Variants in GRID2IP observed in about 807,000 individuals in gnomAD.
The protein encoded by GRID2IP is delphilin.
GRID2IP carries 78 observed loss-of-function variants against 114.3 expected under a neutral mutation model. The ratio of observed to expected loss-of-function variants is 0.68; its 90% CI spans 0.57 to 0.82. The LOEUF is 0.82. Ranked by LOEUF, GRID2IP falls within the 40% of genes least tolerant of loss-of-function variation. The probability of loss-of-function intolerance (pLI) is 0.00; values close to 1 mark genes in which losing one functional copy is unlikely to be tolerated. For missense variants in GRID2IP, 1,727 were observed against 1,678.5 expected (o/e 1.03, Z -0.51); for synonymous variants, 809 against 724.0 (o/e 1.12, Z -1.89).
rs1423475463 is a variant in GRID2IP at position 6,520,762 on chromosome 7, C to G, written c.1085-1G>C. 1.3e-6 allele frequency: 2 copies of G among 1,548,230 alleles called. No individual in the cohort carries two copies. The highest frequency in any genetic ancestry group is 2.0e-5 in the Admixed American group (1 of 50,920). The stretch of plus-strand genomic sequence containing the variant: ...TTGGGTGAGTCCAGAGAATCGGAGT[C>G]TGCTGGGACCACAGGCGGGAGAGGC... On this transcript the variant is annotated splice_acceptor_variant, in intron 6 of 21. Transcript: ENST00000457091. LOFTEE classifies it high-confidence loss of function. This position sits in a 1 kb window ranked among gnomAD's most constrained non-coding sequence, Gnocchi z 4.6.
chr7:6,503,466 C>G (rs1192425662), intron 16 of GRID2IP, 25 bp downstream of exon 16: 2 of 1,496,898 alleles, frequency 1.3e-6, no homozygotes, highest in East Asian at 2.6e-5. Context: ...GCCGAGGCCT[C>G]GGGGCGGGGT....
intron 8 of GRID2IP, among the ~76,000 whole-genome samples, chr7:6,511,867 A>G (rs13225174): frequency 2.7e-5 from 4 of 146,740 alleles, no homozygotes; most frequent in Non-Finnish European, 6.0e-5. Flanking sequence ...TCCTTCTCTC[A>G]CTTTCTCTCT....
intron 4 of GRID2IP, among the ~76,000 whole-genome samples, chr7:6,522,834 TTAGC>T (rs1340989981): frequency 1.4e-5 from 2 of 147,114 alleles, no homozygotes; most frequent in Non-Finnish European, 3.0e-5. Flanking sequence ...TGTGTGTGTG[TTAGC>T]GTGTGTTTAG....
At position 6,522,099 on chromosome 7, in the gene GRID2IP, C is replaced by T. The variant is rs370744014; in HGVS notation, c.920-142G>A. 9.4e-4 allele frequency: 618 copies of T among 654,456 alleles called. 7 individuals are homozygous for T. The African/African-American group carries it at 9.6e-3, about 10-fold the overall frequency. The allele number at this position is 654,456 out of a possible 1,614,324, so 40.5% of individuals were successfully genotyped here. A position where few individuals can be genotyped will look rare whatever the true frequency, so the allele number is the denominator to read the frequency against. On this transcript the variant is annotated intron_variant, in intron 4 of 21. Transcript: ENST00000457091. ...GCATGGTGGCTCACACCTGTAACCT[C>T]AGCACTTTGGGAGGCCAAGGCAGGA...
At position 6,539,889 on chromosome 7, in the gene GRID2IP, T is replaced by A; in HGVS notation, c.430-17A>T. On this transcript the variant is annotated splice_polypyrimidine_tract_variant and intron_variant, in intron 1 of 21. Coordinates refer to ENST00000457091, the MANE Select transcript of GRID2IP (RefSeq NM_001145118.2). ...TTCATCCACCTGCAAGGAGGAGTCC[T>A]GTGAATGACCAAAAGGGATCCAGAG... is the stretch of plus-strand genomic sequence containing the variant. The A allele has an allele frequency of 6.5e-7, 1 of 1,547,390 alleles. No individual in the cohort carries two copies. Among genetic ancestry groups the A allele is most frequent in the Non-Finnish European group, 8.7e-7 (1 of 1,144,442 alleles).
At chr7:6,510,806 C>A in intron 9 of GRID2IP, 100 bp from the exon 10 acceptor site, 1 of 1,470,540 alleles carries the variant, frequency 6.8e-7, no homozygotes, top group Non-Finnish European at 9.2e-7. Context: ...AATCCTGAGC[C>A]CTGCTTAGCC....
chr7:6,521,950 T>C lies in GRID2IP; in HGVS notation c.927A>G (p.Pro309=). Residue 309 remains proline (P), a synonymous_variant, in exon 5 of 22, where the codon CCA becomes CCG. Coordinates refer to ENST00000457091, the MANE Select transcript of GRID2IP (RefSeq NM_001145118.2). This position sits in a 1 kb window ranked among gnomAD's most constrained non-coding sequence, Gnocchi z 4.1. ...VWIESVLPGS[P]ADNAALKSGD... is the part of the protein sequence containing the mutation. Reference sequence around the variant, plus strand: ...CTGACTTGAGGGCAGCATTGTCAGCTGGGCTCCCTGGAAGCAAGAAGAGAG... The same window carrying C: ...CTGACTTGAGGGCAGCATTGTCAGCCGGGCTCCCTGGAAGCAAGAAGAGAG... 1.3e-6 allele frequency: 2 copies of C among 1,551,260 alleles called. No individual in the cohort carries two copies. The highest frequency in any genetic ancestry group is 1.7e-6 in the Non-Finnish European group (2 of 1,146,730).
rs1332696586 is a variant in GRID2IP at position 6,503,171 on chromosome 7, G to A, written c.2908-8C>T. 1 of 1,445,958 alleles carries A rather than the reference G, an allele frequency of 6.9e-7. No individual in the cohort carries two copies. The highest frequency in any genetic ancestry group is 1.4e-5 in the African/African-American group (1 of 70,054). The allele number at this position is 1,445,958 out of a possible 1,614,324, so 89.6% of individuals were successfully genotyped here. On this transcript the variant is annotated splice_region_variant and splice_polypyrimidine_tract_variant and intron_variant, in intron 16 of 21. Coordinates refer to ENST00000457091, the MANE Select transcript of GRID2IP (RefSeq NM_001145118.2). ...TTCGGGAACTGACAGCATCTGCCTCGAAGGCAGAGCCAGGATTCACCCATC... is the reference window on the plus strand; with the variant it reads ...TTCGGGAACTGACAGCATCTGCCTCAAAGGCAGAGCCAGGATTCACCCATC...
rs1326918101 is a variant in GRID2IP at position 6,526,739 on chromosome 7, G to C, written c.615C>G (p.Arg205=). ...GGCCCTGAGACACCACCTCGTCGAA[G>C]CGCGCCCGGTGCTTCTTGGGGATGA... ...RIFIPKKHRA[R]FDEVVSQGLL... Residue 205 remains arginine (R), a synonymous_variant, in exon 3 of 22, where the codon CGC becomes CGG. Transcript: ENST00000457091. This position sits in a 1 kb window ranked among gnomAD's most constrained non-coding sequence, Gnocchi z 7.6. 6.6e-7 allele frequency: 1 copy of C among 1,524,228 alleles called. No homozygotes were observed. The highest frequency in any genetic ancestry group is 1.4e-5 in the African/African-American group (1 of 69,770). The allele number at this position is 1,524,228 out of a possible 1,614,324, so 94.4% of individuals were successfully genotyped here.
chr7:6,508,916 C>T lies in GRID2IP; in HGVS notation c.2127+42G>A, dbSNP rs747619017. 1 of 1,523,552 alleles carries T rather than the reference C, an allele frequency of 6.6e-7. No individual in the cohort carries two copies. The highest frequency in any genetic ancestry group is 8.8e-7 in the Non-Finnish European group (1 of 1,138,834). The allele number at this position is 1,523,552 out of a possible 1,614,324, so 94.4% of individuals were successfully genotyped here. On this transcript the variant is annotated intron_variant, in intron 12 of 21. Coordinates refer to ENST00000457091, the MANE Select transcript of GRID2IP (RefSeq NM_001145118.2). The surrounding 1 kb of genome is among the most constrained non-coding windows in gnomAD (Gnocchi z 5.6). ...ACTGTTGCCTTGCAGACCGCCACAC[C>T]TCGCCTCACCCGCCTCCCTCCACAC... is the stretch of plus-strand genomic sequence containing the variant.
In GRID2IP at chr7:6,536,747, G is replaced by A. The variant is rs1779730860; in HGVS notation, c.584+2971C>T. The A allele has an allele frequency of 1.4e-6, 1 of 699,090 alleles. No individual in the cohort carries two copies. The highest frequency in any genetic ancestry group is 2.6e-6 in the Non-Finnish European group (1 of 382,558). The allele number at this position is 699,090 out of a possible 1,614,324, so 43.3% of individuals were successfully genotyped here. ...CGCTCAGAGCCAGCGCATCATCTCC[G>A]CGGCAAATTCGGCTCTAGAAATAAC... On this transcript the variant is annotated intron_variant, in intron 2 of 21. Transcript: ENST00000457091. This position sits in a 1 kb window ranked among gnomAD's most constrained non-coding sequence, Gnocchi z 5.3.
rs1308634070 is a variant in GRID2IP at position 6,497,407 on chromosome 7, G to A, written c.*367C>T. ...CGGCCCCCTCACAGGGACCCACTAG[G>A]AGCAGGATCAGAAAAAAGGTCCACA... On this transcript the variant is annotated 3_prime_UTR_variant, in exon 22 of 22. Transcript: ENST00000457091. 1 of 181,046 alleles carries A rather than the reference G, an allele frequency of 5.5e-6. No individual in the cohort carries two copies. The highest frequency in any genetic ancestry group is 1.6e-4 in the South Asian group (1 of 6,330). 11.2% of individuals were successfully genotyped at this position (181,046 alleles called of 1,614,324 possible). A position where few individuals can be genotyped will look rare whatever the true frequency, so the allele number is the denominator to read the frequency against.
chr7:6,538,606 A>G (rs997835357), intron 2 of GRID2IP, among the ~76,000 whole-genome samples: 16 of 151,924 alleles, frequency 1.1e-4, no homozygotes, highest in Non-Finnish European at 2.4e-4. Context: ...GGCCGGGTAC[A>G]GTGGCTCACG....
At chr7:6,514,857 C>G (rs898756068) in intron 7 of GRID2IP, among the ~76,000 whole-genome samples, 2 of 150,422 alleles carry the variant, frequency 1.3e-5, no homozygotes, top group African/African-American at 2.5e-5. Context: ...GAGGCTGAGG[C>G]AGGAGAATTG....
At position 6,551,055 on chromosome 7, in the gene GRID2IP, C is replaced by G; in HGVS notation, c.382G>C (p.Ala128Pro). The change falls in exon 1 of 22, where the codon GCG becomes CCG. Residue 128 changes from alanine to proline, a missense_variant. Coordinates refer to ENST00000457091, the MANE Select transcript of GRID2IP (RefSeq NM_001145118.2). Reference sequence around the variant, plus strand: ...TTGCGCCTGCGCTCTCGGTGCACCGCGTCCGGGCGCTTGCGGCCGGCCAGG... The same window carrying G: ...TTGCGCCTGCGCTCTCGGTGCACCGGGTCCGGGCGCTTGCGGCCGGCCAGG... ...LRLAGRKRPDAVHRERRRKAQ... is the reference protein window; with the variant it reads ...LRLAGRKRPDPVHRERRRKAQ... 1 of 1,312,566 alleles carries G rather than the reference C, an allele frequency of 7.6e-7. No homozygotes were observed. Among genetic ancestry groups the G allele is most frequent in the Non-Finnish European group, 9.7e-7 (1 of 1,034,010 alleles). 81.3% of individuals were successfully genotyped at this position (1,312,566 alleles called of 1,614,324 possible). A position where few individuals can be genotyped will look rare whatever the true frequency, so the allele number is the denominator to read the frequency against.
At chr7:6,499,046 T>A (rs545043304) in intron 20 of GRID2IP, among the ~76,000 whole-genome samples, 1 of 152,208 alleles carries the variant, frequency 6.6e-6, no homozygotes, top group African/African-American at 2.4e-5. Flanking sequence ...AGTGGCTGAA[T>A]CGCTATCATT....
At chr7:6,503,469 G>A in intron 16 of GRID2IP, 22 bp downstream of exon 16, 1 of 1,508,448 alleles carries the variant, frequency 6.6e-7, no homozygotes, top group Non-Finnish European at 8.8e-7. Context: ...GAGGCCTCGG[G>A]GCGGGGTTGT....
At chr7:6,503,963 G>A (rs1397297268) in intron 15 of GRID2IP, among the ~76,000 whole-genome samples, 1 of 151,068 alleles carries the variant, frequency 6.6e-6, no homozygotes, top group Non-Finnish European at 1.5e-5. Flanking sequence ...GGTGAGCAGG[G>A]GCCGGGAGAG....
chr7:6,530,352 C>T lies in GRID2IP; in HGVS notation c.585-3583G>A, dbSNP rs185093326. On this transcript the variant is annotated intron_variant, in intron 2 of 21. Transcript: ENST00000457091. ...ACTCTTGGCTCACTGCAACCTCCGC[C>T]TCCCAGGTTCAAGCGATTCTCCTGC... Among the ~76,000 whole-genome samples the T allele has an allele frequency of 1.5e-3, 221 of 151,956 alleles. 1 individual carries two copies. Among genetic ancestry groups the T allele is most frequent in the East Asian group, 0.01 (54 of 5,162 alleles).
Sources: allele counts gnomAD v4.1 joint callset (sites outside exome capture counted in the v4.1 genomes callset), GRCh38; gene constraint gnomAD v4.1.1; non-coding constraint Gnocchi (gnomAD v3.1); transcripts MANE v1.5; gene names NCBI Gene and HGNC (gene_info 2026-07-23, HGNC 2026-07-21).